Variants in DDX39B observed in about 807,000 individuals in gnomAD.
The protein encoded by DDX39B is spliceosome RNA helicase DDX39B.
DDX39B carries 6 observed loss-of-function variants against 46.4 expected under a neutral mutation model. That is an observed-to-expected ratio of 0.13 (90% CI 0.07 to 0.26). DDX39B has a LOEUF of 0.26. DDX39B is among the 10% of genes least tolerant of loss of function. DDX39B has a pLI of 1.00. For missense variants in DDX39B, 185 were observed against 553.4 expected (o/e 0.33, Z 6.68); for synonymous variants, 174 against 199.4 (o/e 0.87, Z 1.07).
chr6:31,530,336 G>T lies in DDX39B; in HGVS notation c.*98C>A. 7.1e-7 allele frequency: 1 copy of T among 1,411,802 alleles called. No homozygotes were observed. Among genetic ancestry groups the T allele is most frequent in the Non-Finnish European group, 9.8e-7 (1 of 1,021,192 alleles). The allele number at this position is 1,411,802 out of a possible 1,614,324, so 87.5% of individuals were successfully genotyped here. A position where few individuals can be genotyped will look rare whatever the true frequency, so the allele number is the denominator to read the frequency against. ...TGCAAAAGATGGAAGCCATGGGGTG[G>T]GGGCTGTCAGGGGTGGGGGCAGTAG... On this transcript the variant is annotated 3_prime_UTR_variant, in exon 11 of 11. Coordinates refer to ENST00000396172, the MANE Select transcript of DDX39B (RefSeq NM_004640.7). The surrounding 1 kb of genome is among the most constrained non-coding windows in gnomAD (Gnocchi z 4.5).
intron 5 of DDX39B, 60 bp downstream of exon 5, chr6:31,536,440 A>G: frequency 6.2e-7 from 1 of 1,609,132 alleles, no homozygotes; most frequent in Non-Finnish European, 8.5e-7. Context: ...TCAAATAAAC[A>G]TCATTTGGCT....
At chr6:31,540,934 G>C in intron 1 of DDX39B, 1 of 408,500 alleles carries the variant, frequency 2.4e-6, no homozygotes, top group Non-Finnish European at 4.7e-6. Context: ...ATAAATTCTT[G>C]ATCTGAAAGT....
Position 31,535,329 on chromosome 6 carries a change from G to A in DDX39B, c.735+38C>T, listed in dbSNP as rs1400542658. ...GGCGAGGAAGGGGAGGAGGCAGCGG[G>A]CGGGGAGTGGAGGGAGAGAAGGTAG... On this transcript the variant is annotated intron_variant, in intron 6 of 10. Coordinates refer to ENST00000396172, the MANE Select transcript of DDX39B (RefSeq NM_004640.7). This position sits in a 1 kb window ranked among gnomAD's most constrained non-coding sequence, Gnocchi z 4.6. The A allele has an allele frequency of 6.3e-7, 1 of 1,585,206 alleles. No homozygotes were observed. The highest frequency in any genetic ancestry group is 8.7e-7 in the Non-Finnish European group (1 of 1,154,432).
At chr6:31,541,687 T>C in intron 1 of DDX39B, 1 of 520,094 alleles carries the variant, frequency 1.9e-6, no homozygotes. Flanking sequence ...GCCTCCAATA[T>C]GAGAAGAACC....
At position 31,534,921 on chromosome 6, in the gene DDX39B, G is replaced by A; in HGVS notation, c.735+446C>T. ...TTCTTTTGGACATGCCCTGCCATCTGTCTGTCCCTCTCTTGCTCTCCTGCC... is the reference window on the plus strand; with the variant it reads ...TTCTTTTGGACATGCCCTGCCATCTATCTGTCCCTCTCTTGCTCTCCTGCC... On this transcript the variant is annotated intron_variant, in intron 6 of 10. Transcript: ENST00000396172. The surrounding 1 kb of genome is among the most constrained non-coding windows in gnomAD (Gnocchi z 5.1). 3.6e-6 allele frequency: 1 copy of A among 275,562 alleles called. No homozygotes were observed. The highest frequency in any genetic ancestry group is 7.2e-6 in the Non-Finnish European group (1 of 138,938). 17.1% of individuals were successfully genotyped at this position (275,562 alleles called of 1,614,324 possible).
chr6:31,538,992 G>A (rs533642852), intron 3 of DDX39B, 137 bp from the exon 4 acceptor site: 21 of 1,490,510 alleles, frequency 1.4e-5, no homozygotes, highest in South Asian at 2.3e-5. Context: ...TGAACCCCAC[G>A]CTTGCGACAG....
At position 31,535,068 on chromosome 6, in the gene DDX39B, A is replaced by G; in HGVS notation, c.735+299T>C. On this transcript the variant is annotated intron_variant, in intron 6 of 10. Coordinates refer to ENST00000396172, the MANE Select transcript of DDX39B (RefSeq NM_004640.7). The surrounding 1 kb of genome is among the most constrained non-coding windows in gnomAD (Gnocchi z 4.6). ...GGATGGGTGGGTGGTAGGGCAGAAA[A>G]ATCCTGCCCTCCCCCAAAGGGAGAA... 2.2e-6 allele frequency: 1 copy of G among 448,778 alleles called. No individual in the cohort carries two copies. Among genetic ancestry groups the G allele is most frequent in the South Asian group, 2.3e-5 (1 of 42,968 alleles). 27.8% of individuals were successfully genotyped at this position (448,778 alleles called of 1,614,324 possible).
chr6:31,534,305 G>A lies in DDX39B; in HGVS notation c.735+1062C>T. 3.1e-6 allele frequency: 1 copy of A among 318,164 alleles called. No individual in the cohort carries two copies. The allele number at this position is 318,164 out of a possible 1,614,324, so 19.7% of individuals were successfully genotyped here. A position where few individuals can be genotyped will look rare whatever the true frequency, so the allele number is the denominator to read the frequency against. On this transcript the variant is annotated intron_variant, in intron 6 of 10. Coordinates refer to ENST00000396172, the MANE Select transcript of DDX39B (RefSeq NM_004640.7). This position sits in a 1 kb window ranked among gnomAD's most constrained non-coding sequence, Gnocchi z 5.1. ...GAGCCACCAGGCCCAGCCAAGGCAG[G>A]CTTTCTAAAGAGAAGTTCCATGGCC...
At position 31,530,564 on chromosome 6, in the gene DDX39B, T is replaced by C; in HGVS notation, c.1271-114A>G. 1.4e-6 allele frequency: 2 copies of C among 1,457,888 alleles called. No individual in the cohort carries two copies. The highest frequency in any genetic ancestry group is 1.9e-6 in the Non-Finnish European group (2 of 1,051,552). The allele number at this position is 1,457,888 out of a possible 1,614,324, so 90.3% of individuals were successfully genotyped here. ...ACTGCCTGGGTTCAGAGGACGGACG[T>C]GGGGGTGAGGGAAGGGATGTAATAT... On this transcript the variant is annotated intron_variant, in intron 10 of 10. Transcript: ENST00000396172. The surrounding 1 kb of genome is among the most constrained non-coding windows in gnomAD (Gnocchi z 4.5).
chr6:31,536,472 T>C, intron 5 of DDX39B, 28 bp downstream of exon 5: 1 of 1,612,944 alleles, frequency 6.2e-7, no homozygotes, highest in Non-Finnish European at 8.5e-7. Context: ...CTCCCCAGCA[T>C]TAGCCAAGCC....
In DDX39B at chr6:31,535,269, T is replaced by C. The variant is rs1048339156; in HGVS notation, c.735+98A>G. 3 of 1,220,792 alleles carry C rather than the reference T, an allele frequency of 2.5e-6. No homozygotes were observed. The highest frequency in any genetic ancestry group is 3.0e-5 in the African/African-American group (2 of 67,360). 75.6% of individuals were successfully genotyped at this position (1,220,792 alleles called of 1,614,324 possible). A position where few individuals can be genotyped will look rare whatever the true frequency, so the allele number is the denominator to read the frequency against. On this transcript the variant is annotated intron_variant, in intron 6 of 10. Coordinates refer to ENST00000396172, the MANE Select transcript of DDX39B (RefSeq NM_004640.7). This position sits in a 1 kb window ranked among gnomAD's most constrained non-coding sequence, Gnocchi z 4.6. Reference sequence around the variant, plus strand: ...TCCCAGTTGGGCACAAGCCGCCTTCTTGGCACTTGAATGACAAGGGAGTCT... The same window carrying C: ...TCCCAGTTGGGCACAAGCCGCCTTCCTGGCACTTGAATGACAAGGGAGTCT...
Position 31,540,329 on chromosome 6 carries a change from C to G in DDX39B, c.204G>C (p.Pro68=). Residue 68 remains proline (P), a synonymous_variant, in exon 2 of 11, where the codon CCG becomes CCC. Coordinates refer to ENST00000396172, the MANE Select transcript of DDX39B (RefSeq NM_004640.7). ...RAIVDCGFEH[P]SEVQHECIPQ... ...GCCCAAGAGAAAATTTACCTTCTGA[C>G]GGATGCTCAAAGCCACAGTCGACAA... The G allele has an allele frequency of 3.7e-6, 6 of 1,614,162 alleles. No homozygotes were observed. The highest frequency in any genetic ancestry group is 5.1e-6 in the Non-Finnish European group (6 of 1,180,020).
At position 31,531,161 on chromosome 6, in the gene DDX39B, T is replaced by G. The variant is rs765054898; in HGVS notation, c.1014A>C (p.Arg338=). ...ATAGGTTGGTAGCCACAAGAATTCG[T>G]CGTTGAAAATCTTTAAACTGCTGAT... ...SRYQQFKDFQ[R]RILVATNLFG... is the part of the protein sequence containing the mutation. The change falls in exon 9 of 11, where the codon CGA becomes CGC. Residue 338 remains arginine (R), a synonymous_variant. Coordinates refer to ENST00000396172, the MANE Select transcript of DDX39B (RefSeq NM_004640.7). This position sits in a 1 kb window ranked among gnomAD's most constrained non-coding sequence, Gnocchi z 5.8. 2 of 1,614,210 alleles carry G rather than the reference T, an allele frequency of 1.2e-6. No individual in the cohort carries two copies. The highest frequency in any genetic ancestry group is 1.7e-6 in the Non-Finnish European group (2 of 1,180,038).
In DDX39B at chr6:31,539,150, C is replaced by T; in HGVS notation, c.336G>A (p.Gly112=). The change falls in exon 3 of 11, where the codon GGG becomes GGA. Residue 112 remains glycine, a synonymous_variant. Coordinates refer to ENST00000396172, the MANE Select transcript of DDX39B (RefSeq NM_004640.7). The part of the protein sequence containing the change: ...ATLQQLEPVT[G]QVSVLVMCHT... ...CCAGCACTCTCCCCAAATATACCTG[C>T]CCAGTAACTGGCTCCAGCTGTTGCA... 3 of 1,613,228 alleles carry T rather than the reference C, an allele frequency of 1.9e-6. No individual in the cohort carries two copies. Among genetic ancestry groups the T allele is most frequent in the South Asian group, 2.2e-5 (2 of 91,086 alleles).
chr6:31,531,618 T>C lies in DDX39B; in HGVS notation c.868-213A>G, dbSNP rs771498206. 3 of 562,222 alleles carry C rather than the reference T, an allele frequency of 5.3e-6. No individual in the cohort carries two copies. Among genetic ancestry groups the C allele is most frequent in the Non-Finnish European group, 9.4e-6 (3 of 319,328 alleles). The allele number at this position is 562,222 out of a possible 1,614,324, so 34.8% of individuals were successfully genotyped here. ...TCCCTAAGGAAGCTGGCCTCTGAGGTAGCACAGAGTTCAGAAATCAAAATT... is the reference window on the plus strand; with the variant it reads ...TCCCTAAGGAAGCTGGCCTCTGAGGCAGCACAGAGTTCAGAAATCAAAATT... On this transcript the variant is annotated intron_variant, in intron 7 of 10. Coordinates refer to ENST00000396172, the MANE Select transcript of DDX39B (RefSeq NM_004640.7). This position sits in a 1 kb window ranked among gnomAD's most constrained non-coding sequence, Gnocchi z 5.8.
At position 31,541,990 on chromosome 6, in the gene DDX39B, A is replaced by G. The variant is rs1369484953; in HGVS notation, c.-173T>C. The G allele has an allele frequency of 4.4e-6, 3 of 678,206 alleles. No homozygotes were observed. The South Asian group carries it at 4.5e-5, about 10-fold the overall frequency. The allele number at this position is 678,206 out of a possible 1,614,324, so 42.0% of individuals were successfully genotyped here. A position where few individuals can be genotyped will look rare whatever the true frequency, so the allele number is the denominator to read the frequency against. The stretch of plus-strand genomic sequence containing the variant: ...GCGTATGGCGGCAGCAACAGCGACG[A>G]AGGAGGGAAATCTGCCTTCACTTCC... On this transcript the variant is annotated 5_prime_UTR_variant, in exon 1 of 11. Coordinates refer to ENST00000396172, the MANE Select transcript of DDX39B (RefSeq NM_004640.7).
chr6:31,541,756 G>T (rs892707919), intron 1 of DDX39B, 194 bp downstream of exon 1: 7 of 642,278 alleles, frequency 1.1e-5, no homozygotes, highest in Non-Finnish European at 2.1e-5. Context: ...CTTGGATTGG[G>T]TCCCCCCTTA....
chr6:31,530,377 C>A lies in DDX39B; in HGVS notation c.*57G>T. ...GGGGCAGTAGTGTCTCCTTCACCCC[C>A]ACCCTGGTGTCCTCTCCTGAAGGAC... On this transcript the variant is annotated 3_prime_UTR_variant, in exon 11 of 11. Transcript: ENST00000396172. This position sits in a 1 kb window ranked among gnomAD's most constrained non-coding sequence, Gnocchi z 4.5. 1 of 1,608,398 alleles carries A rather than the reference C, an allele frequency of 6.2e-7. No homozygotes were observed. Among genetic ancestry groups the A allele is most frequent in the East Asian group, 2.2e-5 (1 of 44,846 alleles).
At position 31,540,590 on chromosome 6, in the gene DDX39B, G is replaced by T; in HGVS notation, c.-58C>A. 6.5e-7 allele frequency: 1 copy of T among 1,537,656 alleles called. No individual in the cohort carries two copies. The highest frequency in any genetic ancestry group is 9.0e-7 in the Non-Finnish European group (1 of 1,115,854). On this transcript the variant is annotated 5_prime_UTR_variant, in exon 2 of 11. Coordinates refer to ENST00000396172, the MANE Select transcript of DDX39B (RefSeq NM_004640.7). Reference sequence around the variant, plus strand: ...ATCTGGATGGGTTCTCGCAAAATAGGTGAAAACAAGGGGTGAAGAGTAGGG... The same window carrying T: ...ATCTGGATGGGTTCTCGCAAAATAGTTGAAAACAAGGGGTGAAGAGTAGGG...
Sources: gnomAD v4.1 joint callset for allele counts on GRCh38, gnomAD v4.1.1 for gene constraint, Gnocchi (gnomAD v3.1) non-coding constraint, MANE v1.5 for transcripts, NCBI Gene and HGNC (gene_info 2026-07-23, HGNC 2026-07-21) for gene names.